Variants in CCDC13 observed in about 807,000 individuals in gnomAD.
CCDC13 encodes the protein coiled-coil domain containing 13.
Under a neutral mutation model 87.3 loss-of-function variants are expected in CCDC13, and 70 were observed. The ratio of observed to expected loss-of-function variants is 0.80; its 90% CI spans 0.66 to 0.98. CCDC13 has a LOEUF of 0.98. CCDC13 is among the 50% of genes least tolerant of loss of function. The probability of loss-of-function intolerance (pLI) is 0.00; values close to 1 mark genes in which losing one functional copy is unlikely to be tolerated. For synonymous variants in CCDC13, 317 were observed against 360.3 expected (o/e 0.88, Z 1.36); for missense variants, 842 against 892.0 (o/e 0.94, Z 0.71).
At chr3:42,729,125 T>C (rs180750609) in intron 13 of CCDC13, among the ~76,000 whole-genome samples, 406 of 152,320 alleles carry the variant, frequency 2.7e-3, no homozygotes, top group Non-Finnish European at 3.9e-3. Context: ...ACCATTGTGT[T>C]TGAAGCCACT....
intron 9 of CCDC13, among the ~76,000 whole-genome samples, chr3:42,737,375 C>T (rs575227639): frequency 1.4e-4 from 21 of 152,258 alleles, no homozygotes; most frequent in Middle Eastern, 3.4e-3. Flanking sequence ...AGTAAACATA[C>T]GTGTGCATGC....
intron 10 of CCDC13, among the ~76,000 whole-genome samples, chr3:42,734,860 G>A (rs1406413455): frequency 1.3e-5 from 2 of 152,210 alleles, no homozygotes; most frequent in Admixed American, 1.3e-4. Flanking sequence ...GCCCCAAGCT[G>A]TGCCCTCAAG....
rs756534911 is a variant in CCDC13, at chr3:42,739,666, G to T, written c.1132C>A (p.Arg378=). 6.2e-7 allele frequency: 1 copy of T among 1,614,022 alleles called. No individual in the cohort carries two copies. The highest frequency in any genetic ancestry group is 1.3e-5 in the African/African-American group (1 of 74,934). ...GCGTCGATGAGCTCGTCATCATGCCGGCCCTTCTCCACCAGGGTTCCCATC... is the reference window on the plus strand; with the variant it reads ...GCGTCGATGAGCTCGTCATCATGCCTGCCCTTCTCCACCAGGGTTCCCATC... ...SQMGTLVEKG[R]HDDELIDALM... is the part of the protein sequence containing the mutation. Residue 378 remains arginine (R), a synonymous_variant, in exon 9 of 16, where the codon CGG becomes AGG. Transcript: ENST00000310232.
chr3:42,715,895 C>T (rs1440373018), intron 13 of CCDC13, among the ~76,000 whole-genome samples: 1 of 152,186 alleles, frequency 6.6e-6, no homozygotes. Context: ...CAGACGCTGG[C>T]ACCTTGATAT....
chr3:42,720,072 C>T (rs1239957887), intron 13 of CCDC13, among the ~76,000 whole-genome samples: 1 of 152,148 alleles, frequency 6.6e-6, no homozygotes, highest in Non-Finnish European at 1.5e-5. Flanking sequence ...TAAACTGCTT[C>T]TTTGACTTTT....
Position 42,742,918 on chromosome 3 carries a change from C to T in CCDC13, c.965G>A (p.Arg322Lys). ...KNLLRIRSLE[R>K]EKQEGLEKLA... ...TACCTCCAAGCCTTCCTGTTTTTCC[C>T]TTTCCAGGCTGCGGATCCTCAGCAG... The change falls in exon 8 of 16, where the codon AGG (arginine) becomes AAG (lysine). Residue 322 changes from arginine (R) to lysine (K), a missense_variant. Arg to Lys is a conservative substitution (Grantham distance 26). Transcript: ENST00000310232. The T allele has an allele frequency of 6.2e-7, 1 of 1,614,112 alleles. No homozygotes were observed.
At chr3:42,717,711 T>C (rs1698465439) in intron 13 of CCDC13, among the ~76,000 whole-genome samples, 2 of 152,354 alleles carry the variant, frequency 1.3e-5, no homozygotes. Flanking sequence ...AAGTCCAAGG[T>C]TGGCCTAGCT....
chr3:42,743,152 A>G, intron 7 of CCDC13, 95 bp from the exon 8 acceptor site: 2 of 1,402,776 alleles, frequency 1.4e-6, no homozygotes, highest in Non-Finnish European at 2.0e-6. Context: ...TGAAGATGGA[A>G]CCACCTCTCT....
At chr3:42,753,210 T>C (rs1315147306) in intron 3 of CCDC13, among the ~76,000 whole-genome samples, 1 of 152,230 alleles carries the variant, frequency 6.6e-6, no homozygotes, top group African/African-American at 2.4e-5. Context: ...TGTTTGCTTA[T>C]GCCCTCTCCA....
chr3:42,771,098 A>T (rs545182457), intron 1 of CCDC13: 1 of 152,190 alleles, frequency 6.6e-6, no homozygotes, highest in Non-Finnish European at 1.5e-5. Flanking sequence ...AACCTGGTAC[A>T]CTCATACCGG....
In CCDC13 at chr3:42,746,214, A is replaced by G; in HGVS notation, c.721-187T>C. ...GGCAGCTCTCCCTGGGAAAGTAGTA[A>G]ACCCATCATCCCTGGCATTTCTTGG... On this transcript the variant is annotated intron_variant, in intron 6 of 15. Transcript: ENST00000310232. The G allele has an allele frequency of 6.9e-6, 4 of 575,544 alleles. No homozygotes were observed. The Admixed American group carries it at 8.9e-5, about 13-fold the overall frequency. The allele number at this position is 575,544 out of a possible 1,614,324, so 35.7% of individuals were successfully genotyped here. A position where few individuals can be genotyped will look rare whatever the true frequency, so the allele number is the denominator to read the frequency against.
At chr3:42,736,175 A>G (rs1699010514) in intron 9 of CCDC13, among the ~76,000 whole-genome samples, 1 of 152,236 alleles carries the variant, frequency 6.6e-6, no homozygotes, top group Non-Finnish European at 1.5e-5. Context: ...CTCAGACAAC[A>G]GAAAGTAGAT....
chr3:42,721,852 T>G (rs528597512), intron 13 of CCDC13, among the ~76,000 whole-genome samples: 1 of 152,348 alleles, frequency 6.6e-6, no homozygotes, highest in Non-Finnish European at 1.5e-5. Context: ...TTTATTCCTG[T>G]GAGCCAGCCA....
Position 42,724,470 on chromosome 3 carries a change from C to T in CCDC13, c.1718+5997G>A, listed in dbSNP as rs183650760. Among the ~76,000 whole-genome samples, 11 of 152,310 alleles carry T rather than the reference C, an allele frequency of 7.2e-5. No homozygotes were observed. In the East Asian group the frequency reaches 1.2e-3, roughly 16 times the overall value. On this transcript the variant is annotated intron_variant, in intron 13 of 15. Transcript: ENST00000310232. ...CTCCTGCCTGGGATCTACAGATGTC[C>T]GTAAGCTTCAAGACCTCTTGCACAC... is the stretch of plus-strand genomic sequence containing the variant.
chr3:42,726,822 A>T (rs1405510447), intron 13 of CCDC13, among the ~76,000 whole-genome samples: 2 of 152,092 alleles, frequency 1.3e-5, no homozygotes, highest in Non-Finnish European at 2.9e-5. Flanking sequence ...GTGTATACGT[A>T]TATGTATATA....
rs1161903211 is a variant in CCDC13 at position 42,745,970 on chromosome 3, C to T, written c.778G>A (p.Gly260Arg). 6.2e-7 allele frequency: 1 copy of T among 1,614,074 alleles called. No individual in the cohort carries two copies. Among genetic ancestry groups the T allele is most frequent in the African/African-American group, 1.3e-5 (1 of 74,922 alleles). Residue 260 changes from glycine (G) to arginine (R), a missense_variant, in exon 7 of 16, where the codon GGG becomes AGG. Coordinates refer to ENST00000310232, the MANE Select transcript of CCDC13 (RefSeq NM_144719.4). ...TGTTGAGCCCGACCCCTCCAGGTCC[C>T]TGGCGAAGATAGGAGCTGCTGAACG... ...INVQQLLSSP[G>R]TWRGRAQQIL...
chr3:42,770,272 G>C (rs967477373), intron 1 of CCDC13, among the ~76,000 whole-genome samples: 7 of 151,952 alleles, frequency 4.6e-5, no homozygotes, highest in African/African-American at 1.7e-4. Flanking sequence ...TGCACCAATC[G>C]GCACTCTGTA....
At position 42,706,879 on chromosome 3, in the gene CCDC13, C is replaced by G. The variant is rs1022893562; in HGVS notation, c.*2101G>C. On this transcript the variant is annotated 3_prime_UTR_variant, in exon 16 of 16. Coordinates refer to ENST00000310232, the MANE Select transcript of CCDC13 (RefSeq NM_144719.4). ...TTTTATAGATGAGAATGTGGAGGAT[C>G]AGAGAGGTTAAATAACTTGCCCAAG... 3 of 152,208 alleles carry G rather than the reference C, an allele frequency of 2.0e-5. No homozygotes were observed. The highest frequency in any genetic ancestry group is 7.2e-5 in the African/African-American group (3 of 41,436). The allele number at this position is 152,208 out of a possible 1,614,324, so 9.4% of individuals were successfully genotyped here.
Position 42,757,223 on chromosome 3 carries a change from C to T in CCDC13, c.222-9G>A. On this transcript the variant is annotated splice_polypyrimidine_tract_variant and intron_variant, in intron 2 of 15. Coordinates refer to ENST00000310232, the MANE Select transcript of CCDC13 (RefSeq NM_144719.4). ...TCTCATCTTCAAGCACCCTACAAGG[C>T]AAAGGCAGAATTAATGCTCCTCCAA... 1 of 1,611,654 alleles carries T rather than the reference C, an allele frequency of 6.2e-7. No individual in the cohort carries two copies. The highest frequency in any genetic ancestry group is 1.1e-5 in the South Asian group (1 of 90,758).
Sources: allele counts gnomAD v4.1 joint callset (sites outside exome capture counted in the v4.1 genomes callset), GRCh38; gene constraint gnomAD v4.1.1; transcripts MANE v1.5; gene names NCBI Gene and HGNC (gene_info 2026-07-23, HGNC 2026-07-21).